CFAP47: variants seen among roughly 807,000 people sequenced by gnomAD.
The protein encoded by CFAP47 is cilia- and flagella-associated protein 47.
A neutral mutation model predicts 148.1 loss-of-function variants in CFAP47; 29 were observed. That is an observed-to-expected ratio of 0.20 (90% CI 0.15 to 0.27). CFAP47 has a LOEUF of 0.27. Ranked by LOEUF, CFAP47 falls within the 10% of genes least tolerant of loss-of-function variation. The probability of loss-of-function intolerance (pLI) is 1.00; values close to 1 mark genes in which losing one functional copy is unlikely to be tolerated. For synonymous variants in CFAP47, 664 were observed against 577.3 expected (o/e 1.15, Z -2.15); for missense variants, 1,872 against 1,697.5 (o/e 1.10, Z -1.81).
At chrX:36,130,044 T>C (rs768399519) in intron 33 of CFAP47, among the ~76,000 whole-genome samples, 24 of 111,475 alleles carry the variant, frequency 2.2e-4, no homozygotes, top group East Asian at 2.8e-4. Context: ...AGTTAGCATT[T>C]GGCACCAACT....
intron 29 of CFAP47, 106 bp from the exon 30 acceptor site, chrX:36,085,208 T>C: frequency 2.0e-6 from 1 of 489,949 alleles, no homozygotes; most frequent in Non-Finnish European, 3.5e-6. Flanking sequence ...TCTTACTTAG[T>C]TGATTTTAAT....
intron 22 of CFAP47, chrX:36,021,906 G>A (rs758886988): frequency 9.0e-6 from 1 of 111,397 alleles, no homozygotes; most frequent in Admixed American, 9.5e-5. Context: ...TCTTTATCCA[G>A]TATATCATTG....
At chrX:36,353,924 G>C (rs1419131223) in intron 60 of CFAP47, among the ~76,000 whole-genome samples, 1 of 111,605 alleles carries the variant, frequency 9.0e-6, no homozygotes, top group African/African-American at 3.3e-5. Context: ...TCCATCAATA[G>C]TGAGAAGAGA....
intron 1 of CFAP47, among the ~76,000 whole-genome samples, chrX:35,924,529 A>G (rs113645824): frequency 0.13 from 13,114 of 97,447 alleles, 721 homozygotes; most frequent in South Asian, 0.25. Context: ...GTATATATGC[A>G]CATATATGTG....
chrX:36,139,791 G>T (rs1939108141), intron 35 of CFAP47, among the ~76,000 whole-genome samples: 1 of 111,555 alleles, frequency 9.0e-6, no homozygotes, highest in African/African-American at 3.3e-5. Flanking sequence ...TACACCTGCT[G>T]GAGAAATGAG....
chrX:36,214,317 C>A (rs1940135539), intron 45 of CFAP47, among the ~76,000 whole-genome samples: 1 of 111,455 alleles, frequency 9.0e-6, no homozygotes, highest in African/African-American at 3.3e-5. Flanking sequence ...TGTATGGAAC[C>A]TATAGGACTG....
chrX:36,236,891 T>A (rs1555994799), intron 48 of CFAP47, 32 bp downstream of exon 48: 2 of 430,326 alleles, frequency 4.6e-6, no homozygotes, highest in African/African-American at 5.1e-5. Context: ...GAAAGTGTTT[T>A]TTTCTGAATA....
At chrX:36,258,704 GA>G (rs1362637420) in intron 49 of CFAP47, among the ~76,000 whole-genome samples, 1 of 111,554 alleles carries the variant, frequency 9.0e-6, no homozygotes, top group African/African-American at 3.3e-5. Context: ...ATAAATAAAA[GA>G]CTCTGGTTAT....
chrX:36,256,252 A>G (rs1940750736), intron 49 of CFAP47, among the ~76,000 whole-genome samples: 2 of 112,041 alleles, frequency 1.8e-5, no homozygotes, highest in South Asian at 7.3e-4. Flanking sequence ...AGACTAGTAT[A>G]TAGGTGAAGA....
chrX:36,078,820 G>C (rs867534897), intron 29 of CFAP47, among the ~76,000 whole-genome samples: 2 of 111,487 alleles, frequency 1.8e-5, no homozygotes, highest in Non-Finnish European at 3.8e-5. Flanking sequence ...GGTACCGGTT[G>C]TTCCTTTCCA....
At position 36,065,660 on chromosome X, in the gene CFAP47, C is replaced by T; in HGVS notation, c.4235C>T (p.Thr1412Ile). The T allele has an allele frequency of 4.2e-6, 5 of 1,190,395 alleles. No individual in the cohort carries two copies. Among genetic ancestry groups the T allele is most frequent in the Non-Finnish European group, 5.7e-6 (5 of 879,716 alleles). The part of the protein sequence containing the change: ...DRKNWFSLPV[T>I]ATAENCILTI... ...ACTTTCAGGTTTTCACTTCCAGTTACTGCAACAGCAGAAAACTGCATTCTT... is the reference window on the plus strand; with the variant it reads ...ACTTTCAGGTTTTCACTTCCAGTTATTGCAACAGCAGAAAACTGCATTCTT... The change falls in exon 27 of 64, where the codon ACT becomes ATT. Residue 1412 changes from threonine to isoleucine, a missense_variant. Thr to Ile is a moderately conservative substitution (Grantham distance 89, BLOSUM62 -1). Coordinates refer to ENST00000378653, the MANE Select transcript of CFAP47 (RefSeq NM_001304548.2).
chrX:35,953,553 A>T, intron 6 of CFAP47, 39 bp from the exon 7 acceptor site: 1 of 1,086,213 alleles, frequency 9.2e-7, no homozygotes, highest in Non-Finnish European at 1.2e-6. Context: ...AAGTATATCA[A>T]CTTTGCTTTA....
intron 30 of CFAP47, among the ~76,000 whole-genome samples, chrX:36,095,850 A>T (rs1454802171): frequency 9.0e-6 from 1 of 111,134 alleles, no homozygotes; most frequent in Non-Finnish European, 1.9e-5. Flanking sequence ...TTTCAGTTTC[A>T]TGTATTTCTG....
intron 38 of CFAP47, among the ~76,000 whole-genome samples, chrX:36,160,420 C>G (rs771571383): frequency 3.6e-5 from 4 of 111,098 alleles, no homozygotes; most frequent in Admixed American, 2.9e-4. Context: ...GTTTACTTCC[C>G]CATCTTCCCC....
chrX:35,924,647 G>A (rs1469116110), intron 1 of CFAP47, among the ~76,000 whole-genome samples: 2 of 109,274 alleles, frequency 1.8e-5, no homozygotes, highest in African/African-American at 6.6e-5. Flanking sequence ...ATTTTTATTA[G>A]GTTGTTCTTC....
chrX:36,089,107 C>T lies in CFAP47; in HGVS notation c.4916+3569C>T, dbSNP rs756231134. Among the ~76,000 whole-genome samples, 106 of 111,953 alleles carry T rather than the reference C, an allele frequency of 9.5e-4. 1 individual carries two copies. Among genetic ancestry groups the T allele is most frequent in the African/African-American group, 3.1e-3 (95 of 30,849 alleles). On this transcript the variant is annotated intron_variant, in intron 30 of 63. Transcript: ENST00000378653. ...CCTGGGCTGGGTGCGGTGGCTCACG[C>T]GTATAATCCCAGCACTTTGGGAGGC...
At chrX:36,255,641 C>A (rs1940741660) in intron 49 of CFAP47, among the ~76,000 whole-genome samples, 1 of 111,230 alleles carries the variant, frequency 9.0e-6, no homozygotes, top group Non-Finnish European at 1.9e-5. Flanking sequence ...GAGTAAGTTC[C>A]TCATTCCTGA....
At chrX:36,269,661 A>G (rs1485281481) in intron 49 of CFAP47, among the ~76,000 whole-genome samples, 1 of 112,199 alleles carries the variant, frequency 8.9e-6, no homozygotes, top group African/African-American at 3.2e-5. Context: ...TTATTCCTGT[A>G]TAATTGAGAT....
chrX:36,031,512 A>C (rs180759943), intron 23 of CFAP47, among the ~76,000 whole-genome samples, 165 bp downstream of exon 23: 2 of 110,547 alleles, frequency 1.8e-5, no homozygotes, highest in African/African-American at 6.5e-5. Context: ...ATTTTTTAGA[A>C]AACTTACAGA....
Sources: gnomAD v4.1 joint callset for allele counts (sites outside exome capture counted in the v4.1 genomes callset) on GRCh38, gnomAD v4.1.1 for gene constraint, MANE v1.5 for transcripts, NCBI Gene and HGNC (gene_info 2026-07-23, HGNC 2026-07-21) for gene names.